Variants in LEF1 observed in about 807,000 individuals in gnomAD.
LEF1 encodes the protein lymphoid enhancer binding factor 1.
Under a neutral mutation model 51.2 loss-of-function variants are expected in LEF1, and 14 were observed. The ratio of observed to expected loss-of-function variants is 0.27; its 90% CI spans 0.18 to 0.43. The LOEUF is 0.43. Ranked by LOEUF, LEF1 falls within the 20% of genes least tolerant of loss-of-function variation. The pLI is 1.00. For synonymous variants in LEF1, 185 were observed against 183.2 expected (o/e 1.01, Z -0.08); for missense variants, 386 against 512.0 (o/e 0.75, Z 2.37).
chr4:108,057,139 T>C (rs1560755403), intron 11 of LEF1, among the ~76,000 whole-genome samples: 1 of 152,058 alleles, frequency 6.6e-6, no homozygotes, highest in Admixed American at 6.6e-5. Context: ...GCTTGTTTGG[T>C]AACAATTCTA....
intron 3 of LEF1, among the ~76,000 whole-genome samples, chr4:108,115,172 A>G (rs1173450345): frequency 6.6e-6 from 1 of 152,228 alleles, no homozygotes; most frequent in Admixed American, 6.5e-5. Flanking sequence ...ATCTACTGAC[A>G]ATGCAAGTAT....
chr4:108,080,442 A>C (rs1212565107), intron 6 of LEF1, among the ~76,000 whole-genome samples: 1 of 152,216 alleles, frequency 6.6e-6, no homozygotes, highest in African/African-American at 2.4e-5. Context: ...CAGGTCTTTC[A>C]TCACAGCCTA....
intron 1 of LEF1, chr4:108,166,164 G>A: frequency 8.8e-7 from 1 of 1,138,730 alleles, no homozygotes. Context: ...CGCGGGGTTA[G>A]GTGCACCCTA....
intron 3 of LEF1, among the ~76,000 whole-genome samples, chr4:108,093,552 T>G (rs1476212779): frequency 6.6e-6 from 1 of 152,132 alleles, no homozygotes. Context: ...GGATGCACAG[T>G]TACTCCAGCT....
intron 3 of LEF1, among the ~76,000 whole-genome samples, chr4:108,145,166 C>T (rs968958086): frequency 1.3e-5 from 2 of 152,152 alleles, no homozygotes; most frequent in African/African-American, 4.8e-5. Context: ...AAATATTTAA[C>T]ATACAAATTG....
At chr4:108,076,545 T>G (rs1738873424) in intron 8 of LEF1, among the ~76,000 whole-genome samples, 1 of 152,066 alleles carries the variant, frequency 6.6e-6, no homozygotes, top group Non-Finnish European at 1.5e-5. Flanking sequence ...ACTCAGCTAA[T>G]TTTTGTATTT....
At chr4:108,140,839 A>T (rs1270027676) in intron 3 of LEF1, among the ~76,000 whole-genome samples, 1 of 152,232 alleles carries the variant, frequency 6.6e-6, no homozygotes, top group African/African-American at 2.4e-5. Context: ...CTTCTCAGTG[A>T]AAGGAAACTT....
Position 108,144,865 on chromosome 4 carries a change from CAAAAAAAAAAAA to C in LEF1, c.414+18691_414+18702del, listed in dbSNP as rs11394687. Among the ~76,000 whole-genome samples the C allele has an allele frequency of 4.2e-3, 176 of 41,970 alleles. 9 individuals are homozygous for C. The highest frequency in any genetic ancestry group is 1.0e-3 in the Non-Finnish European group (25 of 25,014). 27.5% of individuals were successfully genotyped at this position (41,970 alleles called of 152,430 possible). A position where few individuals can be genotyped will look rare whatever the true frequency, so the allele number is the denominator to read the frequency against. On this transcript the variant is annotated intron_variant, in intron 3 of 11. Transcript: ENST00000265165. ...ACAGCAAAGAATTGACCCAACCAGC[CAAAAAAAAAAAA>C]AAAAAAAAAAAAGAAGAGTATCCTC...
At chr4:108,147,141 A>T (rs1194333622) in intron 3 of LEF1, among the ~76,000 whole-genome samples, 1 of 152,150 alleles carries the variant, frequency 6.6e-6, no homozygotes, top group Non-Finnish European at 1.5e-5. Flanking sequence ...GGAGAGAAGG[A>T]AACAGGCTTG....
At chr4:108,100,691 G>A (rs1740761124) in intron 3 of LEF1, among the ~76,000 whole-genome samples, 1 of 152,086 alleles carries the variant, frequency 6.6e-6, no homozygotes, top group South Asian at 2.1e-4. Context: ...GGAATTTTGA[G>A]AGCCTGTTAT....
intron 3 of LEF1, among the ~76,000 whole-genome samples, chr4:108,099,572 A>ATATATATATATATATGTGTG (rs1740643630): frequency 5.4e-5 from 1 of 18,368 alleles, no homozygotes; most frequent in African/African-American, 3.8e-4. Flanking sequence ...GTGTGTGTGT[A>ATATATATATATATATGTGTG]TATATATATA....
chr4:108,120,676 C>T (rs1406751056), intron 3 of LEF1, among the ~76,000 whole-genome samples: 1 of 152,152 alleles, frequency 6.6e-6, no homozygotes, highest in Non-Finnish European at 1.5e-5. Flanking sequence ...GCAACAAACA[C>T]TGATCATCTG....
rs112082298 is a variant in LEF1, at chr4:108,059,853, G to A, written c.*6+3770C>T. ...CAGTAGCTGGAACACACCACCGCAC[G>A]CAGCTAATTTTTGTAGAGAAGGGAT... On this transcript the variant is annotated intron_variant, in intron 11 of 11. Transcript: ENST00000265165. Among the ~76,000 whole-genome samples, 454 of 152,110 alleles carry A rather than the reference G, an allele frequency of 3.0e-3. 3 individuals carry two copies. Among genetic ancestry groups the A allele is most frequent in the African/African-American group, 0.01 (429 of 41,468 alleles).
rs577796713 is a variant in LEF1 at position 108,047,548 on chromosome 4, T to C, written c.*1210A>G. The C allele has an allele frequency of 6.6e-6, 1 of 152,346 alleles. No individual in the cohort carries two copies. The highest frequency in any genetic ancestry group is 1.9e-4 in the East Asian group (1 of 5,182). 9.4% of individuals were successfully genotyped at this position (152,346 alleles called of 1,614,324 possible). On this transcript the variant is annotated 3_prime_UTR_variant, in exon 12 of 12. Transcript: ENST00000265165. ...ATCAGGAACTTCACTCTTAATAAAA[T>C]GACAATTTTTAAAAATGTTTTATTA... is the stretch of plus-strand genomic sequence containing the variant.
intron 3 of LEF1, among the ~76,000 whole-genome samples, chr4:108,139,795 CT>C (rs1014671564): frequency 6.6e-6 from 1 of 151,694 alleles, no homozygotes; most frequent in Admixed American, 6.6e-5. Flanking sequence ...AAATGTAAGG[CT>C]TTTTTTTCAA....
At chr4:108,113,728 G>C (rs958770164) in intron 3 of LEF1, among the ~76,000 whole-genome samples, 2 of 152,216 alleles carry the variant, frequency 1.3e-5, no homozygotes, top group Admixed American at 6.5e-5. Context: ...TGGGACCATG[G>C]ATAAATTGCA....
intron 3 of LEF1, among the ~76,000 whole-genome samples, chr4:108,089,684 T>C (rs527843915): frequency 2.1e-4 from 32 of 152,188 alleles, no homozygotes; most frequent in Non-Finnish European, 4.4e-4. Flanking sequence ...AGCAAAAAAC[T>C]GTCCAATGAG....
intron 3 of LEF1, 138 bp downstream of exon 3, chr4:108,163,427 CTCA>C: frequency 2.3e-6 from 2 of 870,920 alleles, no homozygotes; most frequent in Non-Finnish European, 3.5e-6. Flanking sequence ...GTGGCCATTC[CTCA>C]TAACAGCTCT....
intron 3 of LEF1, among the ~76,000 whole-genome samples, chr4:108,134,031 T>C (rs1214311991): frequency 1.3e-5 from 2 of 152,060 alleles, no homozygotes; most frequent in Non-Finnish European, 2.9e-5. Context: ...CCCAGTGGGG[T>C]CCAGGGAAGC....
Sources: allele counts gnomAD v4.1 joint callset (sites outside exome capture counted in the v4.1 genomes callset), GRCh38; gene constraint gnomAD v4.1.1; transcripts MANE v1.5; gene names NCBI Gene and HGNC (gene_info 2026-07-23, HGNC 2026-07-21).